Variants in UBE2Q2 observed in about 807,000 individuals in gnomAD.
The protein encoded by UBE2Q2 is ubiquitin-conjugating enzyme E2 Q2.
UBE2Q2 carries 54 observed loss-of-function variants against 59.9 expected under a neutral mutation model. The ratio of observed to expected loss-of-function variants is 0.90; its 90% CI spans 0.72 to 1.13. UBE2Q2 has a LOEUF of 1.13. UBE2Q2 is among the 50% of genes most tolerant of loss of function. UBE2Q2 has a pLI of 0.00. For missense variants in UBE2Q2, 433 were observed against 441.9 expected (o/e 0.98, Z 0.18); for synonymous variants, 165 against 155.2 (o/e 1.06, Z -0.47).
chr15:75,860,181 A>G (rs1312217688), intron 3 of UBE2Q2, among the ~76,000 whole-genome samples, 199 bp downstream of exon 3: 1 of 152,236 alleles, frequency 6.6e-6, no homozygotes, highest in Non-Finnish European at 1.5e-5. Flanking sequence ...TATTTACTAT[A>G]CAGGCAAACA....
intron 1 of UBE2Q2, among the ~76,000 whole-genome samples, chr15:75,850,749 A>C (rs762359617): frequency 6.6e-6 from 1 of 152,190 alleles, no homozygotes; most frequent in Non-Finnish European, 1.5e-5. Context: ...CAGTTCTCAA[A>C]GTTTTGGGGT....
At chr15:75,876,641 C>T (rs1226494718) in intron 6 of UBE2Q2, among the ~76,000 whole-genome samples, 1 of 151,842 alleles carries the variant, frequency 6.6e-6, no homozygotes, top group Non-Finnish European at 1.5e-5. Flanking sequence ...TTTTATGATT[C>T]CCCCCCATTT....
Position 75,900,357 on chromosome 15 carries a change from C to T in UBE2Q2, c.*899C>T, listed in dbSNP as rs1403670510. On this transcript the variant is annotated 3_prime_UTR_variant, in exon 13 of 13. Coordinates refer to ENST00000267938, the MANE Select transcript of UBE2Q2 (RefSeq NM_173469.4). ...CAAAAAGATACTTAATTTGGAGACT[C>T]TTACAGTAATTTTTGCCATGTCAAA... 1 of 152,562 alleles carries T rather than the reference C, an allele frequency of 6.6e-6. No individual in the cohort carries two copies. The highest frequency in any genetic ancestry group is 1.5e-5 in the Non-Finnish European group (1 of 68,024). 9.5% of individuals were successfully genotyped at this position (152,562 alleles called of 1,614,324 possible). A position where few individuals can be genotyped will look rare whatever the true frequency, so the allele number is the denominator to read the frequency against.
intron 9 of UBE2Q2, among the ~76,000 whole-genome samples, chr15:75,886,381 A>C (rs940577072): frequency 1.3e-5 from 2 of 152,038 alleles, no homozygotes; most frequent in Non-Finnish European, 2.9e-5. Context: ...GGGCCTCCCA[A>C]AGTGCTAGGA....
intron 11 of UBE2Q2, among the ~76,000 whole-genome samples, chr15:75,895,742 C>T (rs1030310535): frequency 7.2e-5 from 11 of 152,078 alleles, no homozygotes; most frequent in African/African-American, 2.7e-4. Context: ...TGAAGTACTG[C>T]ATTGGTGAGG....
rs370603415 is a variant in UBE2Q2, at chr15:75,843,702, C to G, written c.36C>G (p.Phe12Leu). 3.7e-6 allele frequency: 6 copies of G among 1,611,318 alleles called. No homozygotes were observed. In the Middle Eastern group the frequency reaches 5.0e-4, roughly 133 times the overall value. The change falls in exon 1 of 13, where the codon TTC becomes TTG. Residue 12 changes from phenylalanine (F) to leucine (L), a missense_variant. Phe to Leu is a conservative substitution (Grantham distance 22, BLOSUM62 0). Transcript: ENST00000267938. ...SVSGLKAELK[F>L]LASIFDKNHE... ...CAGGGCTCAAGGCCGAGCTGAAGTT[C>G]CTGGCGTCCATCTTCGACAAGAACC...
intron 12 of UBE2Q2, among the ~76,000 whole-genome samples, chr15:75,897,897 A>G (rs1446142858): frequency 2.0e-5 from 3 of 152,072 alleles, no homozygotes; most frequent in Admixed American, 2.0e-4. Flanking sequence ...TTTTGTGCTC[A>G]TTTATTTTAA....
At chr15:75,847,742 T>G (rs1460436348) in intron 1 of UBE2Q2, among the ~76,000 whole-genome samples, 2 of 152,204 alleles carry the variant, frequency 1.3e-5, no homozygotes, top group South Asian at 2.1e-4. Flanking sequence ...ATTACTCCTT[T>G]TATGGACTTT....
chr15:75,893,079 T>C (rs777233369), intron 11 of UBE2Q2, among the ~76,000 whole-genome samples: 9 of 152,026 alleles, frequency 5.9e-5, no homozygotes, highest in South Asian at 2.1e-4. Flanking sequence ...GGAGGAGATA[T>C]TAGAATTACA....
At chr15:75,860,570 T>C (rs1423929006) in intron 3 of UBE2Q2, among the ~76,000 whole-genome samples, 3 of 152,194 alleles carry the variant, frequency 2.0e-5, no homozygotes, top group Non-Finnish European at 2.9e-5. Context: ...ATTAGGACTT[T>C]GTAGAGTAAA....
chr15:75,844,380 A>G (rs1273858070), intron 1 of UBE2Q2: 21 of 1,551,132 alleles, frequency 1.4e-5, no homozygotes, highest in Non-Finnish European at 1.7e-5. Flanking sequence ...TGACGGAGGA[A>G]AAGTTGGAAT....
chr15:75,898,607 G>A (rs1899569018), intron 12 of UBE2Q2, among the ~76,000 whole-genome samples: 1 of 152,068 alleles, frequency 6.6e-6, no homozygotes, highest in African/African-American at 2.4e-5. Context: ...ATTCTAGTTT[G>A]GCCTGCTACT....
chr15:75,844,042 G>T, intron 1 of UBE2Q2, 196 bp downstream of exon 1: 1 of 1,408,492 alleles, frequency 7.1e-7, no homozygotes. Context: ...GAGGCGGAGG[G>T]CGCGTCTTTC....
At chr15:75,845,862 G>T (rs543055075) in intron 1 of UBE2Q2, among the ~76,000 whole-genome samples, 8 of 152,168 alleles carry the variant, frequency 5.3e-5, no homozygotes, top group Non-Finnish European at 1.2e-4. Context: ...CCTGGATTAG[G>T]CAGTGGCAAC....
At chr15:75,844,021 T>C in intron 1 of UBE2Q2, 175 bp downstream of exon 1, 6 of 1,407,546 alleles carry the variant, frequency 4.3e-6, no homozygotes, top group Non-Finnish European at 5.5e-6. Flanking sequence ...TGCGCGAGGC[T>C]TGGGTGGGAG....
chr15:75,877,720 A>G lies in UBE2Q2; in HGVS notation c.674-241A>G, dbSNP rs543421444. Among the ~76,000 whole-genome samples, 287 of 152,330 alleles carry G rather than the reference A, an allele frequency of 1.9e-3. 6 individuals carry two copies. Among genetic ancestry groups the G allele is most frequent in the African/African-American group, 6.3e-3 (262 of 41,572 alleles). On this transcript the variant is annotated intron_variant, in intron 6 of 12. Transcript: ENST00000267938. ...TTTGCATAATCTTTTTTTCAGTCAG[A>G]CTAAACGGTAAGCAGTTTTTCAACT...
chr15:75,844,201 G>T (rs1008491693), intron 1 of UBE2Q2: 7 of 1,459,848 alleles, frequency 4.8e-6, no homozygotes, highest in East Asian at 2.5e-5. Flanking sequence ...GGGCGGGGCG[G>T]GGCGGGGCGG....
At chr15:75,897,649 A>C (rs1414571025) in intron 12 of UBE2Q2, among the ~76,000 whole-genome samples, 1 of 151,130 alleles carries the variant, frequency 6.6e-6, no homozygotes, top group Non-Finnish European at 1.5e-5. Flanking sequence ...ACTTACTTGA[A>C]ATATTAGGAA....
intron 1 of UBE2Q2, among the ~76,000 whole-genome samples, chr15:75,851,898 G>T (rs917886729): frequency 3.3e-5 from 5 of 151,870 alleles, no homozygotes; most frequent in East Asian, 3.9e-4. Context: ...TTTGAGACAG[G>T]GCCTTGTTCT....
Sources: gnomAD v4.1 joint callset for allele counts (sites outside exome capture counted in the v4.1 genomes callset) on GRCh38, gnomAD v4.1.1 for gene constraint, MANE v1.5 for transcripts, NCBI Gene and HGNC (gene_info 2026-07-23, HGNC 2026-07-21) for gene names.